APP: variants seen among roughly 807,000 people sequenced by gnomAD.
The protein encoded by APP is amyloid beta precursor protein.
In APP, 31 loss-of-function variants were observed where a neutral mutation model predicts 101.4. The ratio of observed to expected loss-of-function variants is 0.31; its 90% CI spans 0.23 to 0.41. The LOEUF (loss-of-function observed/expected upper bound fraction) is 0.41. Among genes scored for constraint, APP ranks in the 10% least tolerant of loss-of-function variants. The pLI is 1.00. For synonymous variants in APP, 366 were observed against 364.4 expected (o/e 1.00, Z -0.05); for missense variants, 839 against 1,003.7 (o/e 0.84, Z 2.22).
intron 16 of APP, among the ~76,000 whole-genome samples, chr21:25,893,455 AAAGCTCTTG>A (rs2037827274): frequency 6.6e-6 from 1 of 152,252 alleles, no homozygotes. Flanking sequence ...AATGCAAAGA[AAAGCTCTTG>A]AAGGAGATTA....
chr21:26,039,377 C>G (rs1160081527), intron 5 of APP, among the ~76,000 whole-genome samples: 1 of 152,224 alleles, frequency 6.6e-6, no homozygotes, highest in Non-Finnish European at 1.5e-5. Context: ...ATTCGACCAA[C>G]AGCAAACAGT....
At chr21:25,912,452 G>A (rs929791626) in intron 13 of APP, among the ~76,000 whole-genome samples, 2 of 152,138 alleles carry the variant, frequency 1.3e-5, no homozygotes, top group African/African-American at 4.8e-5. Flanking sequence ...GCATTAAAGG[G>A]CCAGTAGTTT....
chr21:25,983,695 C>T (rs1188802745), intron 8 of APP, among the ~76,000 whole-genome samples: 1 of 152,162 alleles, frequency 6.6e-6, no homozygotes, highest in East Asian at 1.9e-4. Context: ...GATTAATAAT[C>T]ATTTTTCAAA....
At chr21:25,952,389 T>TC (rs1555901976) in intron 13 of APP, among the ~76,000 whole-genome samples, 1 of 151,818 alleles carries the variant, frequency 6.6e-6, no homozygotes, top group East Asian at 1.9e-4. Context: ...TTTTTTTTTT[T>TC]CTTTTTACAG....
At chr21:25,997,333 C>T (rs751853155) in intron 8 of APP, 27 bp downstream of exon 8, 42 of 1,607,850 alleles carry the variant, frequency 2.6e-5, no homozygotes, top group Non-Finnish European at 3.0e-5. Flanking sequence ...TCCCCTCTTC[C>T]CTTCCCTCAG....
intron 11 of APP, among the ~76,000 whole-genome samples, chr21:25,957,460 A>G (rs1384390619): frequency 6.6e-6 from 1 of 152,212 alleles, no homozygotes; most frequent in Non-Finnish European, 1.5e-5. Flanking sequence ...GATCTTGCAC[A>G]ACCACCCTCG....
chr21:26,014,523 T>C (rs984949348), intron 6 of APP, among the ~76,000 whole-genome samples: 1 of 152,214 alleles, frequency 6.6e-6, no homozygotes, highest in Non-Finnish European at 1.5e-5. Context: ...GTGAAAACTT[T>C]TGTTCCGGGC....
intron 17 of APP, among the ~76,000 whole-genome samples, chr21:25,885,044 G>A (rs185620586): frequency 6.6e-6 from 1 of 152,256 alleles, no homozygotes; most frequent in African/African-American, 2.4e-5. Flanking sequence ...TTTTGCCACT[G>A]AGAGGACAGC....
chr21:25,904,041 C>T (rs2038655975), intron 15 of APP, among the ~76,000 whole-genome samples: 1 of 152,170 alleles, frequency 6.6e-6, no homozygotes, highest in African/African-American at 2.4e-5. Context: ...CAAAGGTTGA[C>T]CTCTGTGTAT....
intron 11 of APP, among the ~76,000 whole-genome samples, chr21:25,969,536 T>G (rs2041930356): frequency 6.6e-6 from 1 of 151,924 alleles, no homozygotes; most frequent in Admixed American, 6.6e-5. Context: ...AGCCACATTT[T>G]ATTACAAAGG....
chr21:25,884,436 T>C (rs2037191455), intron 17 of APP, among the ~76,000 whole-genome samples: 1 of 152,230 alleles, frequency 6.6e-6, no homozygotes, highest in African/African-American at 2.4e-5. Flanking sequence ...ATATTTTCCT[T>C]ATCCTCTCCT....
At chr21:26,035,497 G>A (rs749604701) in intron 5 of APP, among the ~76,000 whole-genome samples, 1 of 152,138 alleles carries the variant, frequency 6.6e-6, no homozygotes, top group African/African-American at 2.4e-5. Context: ...ACTAATACCT[G>A]TAAGGAATGT....
chr21:26,039,585 G>A (rs181719096), intron 5 of APP, among the ~76,000 whole-genome samples: 115 of 152,214 alleles, frequency 7.6e-4, no homozygotes, highest in African/African-American at 2.6e-3. Context: ...CTAAAACAAT[G>A]AGCCAATCCA....
chr21:26,021,941 T>C lies in APP; in HGVS notation c.764A>G (p.Glu255Gly), dbSNP rs746341405. The C allele has an allele frequency of 6.8e-6, 11 of 1,613,492 alleles. No individual in the cohort carries two copies. The highest frequency in any genetic ancestry group is 3.3e-4 in the Middle Eastern group (2 of 6,084). ...TTCGTAGGGTTCCTCAGCCTCTTCC[T>C]CTACCTCATCACCATCCTCATCGTC... is the stretch of plus-strand genomic sequence containing the variant. ...DEDDEDGDEV[E>G]EEAEEPYEEA... The change falls in exon 6 of 18, where the codon GAG becomes GGG. Residue 255 changes from glutamate (E) to glycine (G), a missense_variant. Coordinates refer to ENST00000346798, the MANE Select transcript of APP (RefSeq NM_000484.4).
chr21:26,128,485 C>T (rs1482286746), intron 1 of APP, among the ~76,000 whole-genome samples: 2 of 152,144 alleles, frequency 1.3e-5, no homozygotes, highest in Admixed American at 6.5e-5. Flanking sequence ...TTTGTTATTG[C>T]ATGCTTATAC....
intron 10 of APP, among the ~76,000 whole-genome samples, 162 bp from the exon 11 acceptor site, chr21:25,975,390 A>G (rs957415958): frequency 6.6e-6 from 1 of 152,318 alleles, no homozygotes; most frequent in South Asian, 2.1e-4. Context: ...TACGTTTTAT[A>G]GCTTACTTCA....
chr21:26,047,506 C>T (rs1333352444), intron 5 of APP, among the ~76,000 whole-genome samples: 2 of 152,102 alleles, frequency 1.3e-5, no homozygotes, highest in Non-Finnish European at 2.9e-5. Context: ...CTGGTTTTGT[C>T]CACATGAAAG....
chr21:26,169,844 C>T (rs1201080367), intron 1 of APP, among the ~76,000 whole-genome samples: 2 of 152,218 alleles, frequency 1.3e-5, no homozygotes, highest in Admixed American at 1.3e-4. Context: ...CGCGGGGTGG[C>T]TATGGGTCTC....
In APP at chr21:25,960,713, C is replaced by A. The variant is rs185448221; in HGVS notation, c.1459-4958G>T. 1.7e-3 allele frequency among the ~76,000 whole-genome samples: 253 copies of A among 152,224 alleles called. 1 individual carries two copies. The highest frequency in any genetic ancestry group is 3.4e-3 in the Middle Eastern group (1 of 292). Reference sequence around the variant, plus strand: ...TTCACTGTTTATGTAAGCTGAGATGCGCATTTTGTGTGCATCTACATAAAC... The same window carrying A: ...TTCACTGTTTATGTAAGCTGAGATGAGCATTTTGTGTGCATCTACATAAAC... On this transcript the variant is annotated intron_variant, in intron 11 of 17. Transcript: ENST00000346798.
Sources: gnomAD v4.1 joint callset for allele counts (sites outside exome capture counted in the v4.1 genomes callset) on GRCh38, gnomAD v4.1.1 for gene constraint, MANE v1.5 for transcripts, NCBI Gene and HGNC (gene_info 2026-07-23, HGNC 2026-07-21) for gene names.